Variants in SLFN12L observed in about 807,000 individuals in gnomAD.
SLFN12L encodes the protein schlafen family member 12 like, also known as schlafen family member 12-like.
A neutral mutation model predicts 34.8 loss-of-function variants in SLFN12L; 34 were observed. The observed-to-expected ratio is 0.98, with a 90% CI of 0.74 to 1.30. SLFN12L has a LOEUF of 1.30. Ranked by LOEUF, SLFN12L falls within the 50% of genes most tolerant of loss-of-function variation. The pLI is 0.00. For missense variants in SLFN12L, 703 were observed against 696.2 expected (o/e 1.01, Z -0.11); for synonymous variants, 259 against 247.5 (o/e 1.05, Z -0.44).
chr17:35,530,296 A>G (rs1454116339), intron 1 of SLFN12L, among the ~76,000 whole-genome samples: 3 of 146,818 alleles, frequency 2.0e-5, no homozygotes, highest in Non-Finnish European at 4.5e-5. Context: ...GCAGTGAGCC[A>G]AGATTGTGCC....
At chr17:35,535,422 C>A (rs547431523) in intron 1 of SLFN12L, among the ~76,000 whole-genome samples, 1 of 151,326 alleles carries the variant, frequency 6.6e-6, no homozygotes, top group East Asian at 1.9e-4. Context: ...GTCTTGAACT[C>A]CCGACCTCAG....
chr17:35,499,215 C>T, intron 2 of SLFN12L: 1 of 915,144 alleles, frequency 1.1e-6, no homozygotes, highest in Non-Finnish European at 1.6e-6. Flanking sequence ...CACCTGCCTT[C>T]CTAATTTGCT....
At chr17:35,518,549 T>TAA (rs145135287) in intron 2 of SLFN12L, among the ~76,000 whole-genome samples, 10,121 of 137,824 alleles carry the variant, frequency 0.073, 491 homozygotes, top group Non-Finnish European at 0.1. Flanking sequence ...AGACTGTATT[T>TAA]AAAAAAAAAA....
chr17:35,501,774 G>A (rs1915302116), intron 2 of SLFN12L, among the ~76,000 whole-genome samples: 1 of 152,164 alleles, frequency 6.6e-6, no homozygotes, highest in Non-Finnish European at 1.5e-5. Flanking sequence ...CCATCAGAAG[G>A]AAGCCTGGAC....
At chr17:35,536,681 G>T (rs1038081001) in intron 1 of SLFN12L, among the ~76,000 whole-genome samples, 1 of 151,604 alleles carries the variant, frequency 6.6e-6, no homozygotes, top group African/African-American at 2.4e-5. Context: ...GTGGTGCATG[G>T]TCTATAGTCC....
In SLFN12L at chr17:35,535,108, T is replaced by C. The variant is rs1297514204; in HGVS notation, c.-606+2465A>G. On this transcript the variant is annotated intron_variant, in intron 1 of 4. Transcript: ENST00000628453. ...CTGAGGTTGGGGGACATATTCAGAG[T>C]CATATGGGTGAGGCTCAAATCCAGG... Among the ~76,000 whole-genome samples the C allele has an allele frequency of 2.6e-5, 4 of 151,996 alleles. No individual in the cohort carries two copies. The South Asian group carries it at 8.3e-4, about 31-fold the overall frequency.
At position 35,471,231 on chromosome 17, in the gene SLFN12L, G is replaced by A. The variant is rs1597823242; in HGVS notation, c.*3692C>T. 6.6e-6 allele frequency among the ~76,000 whole-genome samples: 1 copy of A among 151,506 alleles called. No individual in the cohort carries two copies. The highest frequency in any genetic ancestry group is 2.4e-5 in the African/African-American group (1 of 41,226). On this transcript the variant is annotated 3_prime_UTR_variant, in exon 5 of 5. Coordinates refer to ENST00000628453, the MANE Select transcript of SLFN12L (RefSeq NM_001363830.2). Reference sequence around the variant, plus strand: ...GGCTCACTGCAACCTCTGCCTCCCGGGTTCAAGCAATTTTCATGTCTCAGC... The same window carrying A: ...GGCTCACTGCAACCTCTGCCTCCCGAGTTCAAGCAATTTTCATGTCTCAGC...
rs58847336 is a variant in SLFN12L at position 35,523,088 on chromosome 17, T to G, written c.-605-119A>C. On this transcript the variant is annotated intron_variant, in intron 1 of 4. Coordinates refer to ENST00000628453, the MANE Select transcript of SLFN12L (RefSeq NM_001363830.2). ...TTAATTACAGATATTTCAAATATTC[T>G]TCTATAAACATTATATTACAATTAT... 2,033 of 246,456 alleles carry G rather than the reference T, an allele frequency of 8.2e-3. 44 individuals carry two copies. The highest frequency in any genetic ancestry group is 0.042 in the African/African-American group (1,868 of 44,688). The allele number at this position is 246,456 out of a possible 1,614,324, so 15.3% of individuals were successfully genotyped here.
intron 2 of SLFN12L, chr17:35,490,609 A>C (rs1191599888): frequency 1.2e-6 from 1 of 840,194 alleles, no homozygotes; most frequent in African/African-American, 1.7e-5. Flanking sequence ...AAAAGAAATG[A>C]CCAAGCTCAC....
At position 35,475,092 on chromosome 17, in the gene SLFN12L, G is replaced by A. The variant is rs766547706; in HGVS notation, c.1670C>T (p.Ser557Leu). ...GTAGGATTCAGGGTAAATTACTTGCGAGTTTAAATCATACTGGCAGCTTGT... is the reference window on the plus strand; with the variant it reads ...GTAGGATTCAGGGTAAATTACTTGCAAGTTTAAATCATACTGGCAGCTTGT... ...GKTSCQYDLN[S>L]QVIYPESYYW... is the part of the protein sequence containing the mutation. Residue 557 changes from serine (S) to leucine (L), a missense_variant, in exon 5 of 5, where the codon TCG becomes TTG. By Grantham distance (145) the Ser-to-Leu change is moderately radical. Coordinates refer to ENST00000628453, the MANE Select transcript of SLFN12L (RefSeq NM_001363830.2). 19 of 1,613,928 alleles carry A rather than the reference G, an allele frequency of 1.2e-5. No homozygotes were observed. The highest frequency in any genetic ancestry group is 2.7e-5 in the African/African-American group (2 of 74,906).
chr17:35,524,313 T>C (rs547010708), intron 1 of SLFN12L, among the ~76,000 whole-genome samples: 3 of 152,316 alleles, frequency 2.0e-5, no homozygotes, highest in South Asian at 4.1e-4. Context: ...CAGACTTTAG[T>C]GTACCTGCCT....
chr17:35,498,868 G>T, intron 2 of SLFN12L: 1 of 710,728 alleles, frequency 1.4e-6, no homozygotes, highest in Admixed American at 2.2e-5. Flanking sequence ...TCCTCCCGCA[G>T]TGAGAACAAT....
At position 35,464,825 on chromosome 17, in the gene SLFN12L, A is replaced by T. The variant is rs7225069; in HGVS notation, c.*10098T>A. 6.6e-6 allele frequency among the ~76,000 whole-genome samples: 1 copy of T among 152,152 alleles called. No homozygotes were observed. The highest frequency in any genetic ancestry group is 2.4e-5 in the African/African-American group (1 of 41,428). On this transcript the variant is annotated 3_prime_UTR_variant, in exon 5 of 5. Coordinates refer to ENST00000628453, the MANE Select transcript of SLFN12L (RefSeq NM_001363830.2). ...ACCAAAGAATTTATATAACAAAAAG[A>T]TAGCTAAGGTCGTGATTGGGTTTAG... is the stretch of plus-strand genomic sequence containing the variant.
chr17:35,534,514 G>A (rs994347475), intron 1 of SLFN12L, among the ~76,000 whole-genome samples: 2 of 151,928 alleles, frequency 1.3e-5, no homozygotes, highest in African/African-American at 2.4e-5. Context: ...GCCCAAATGA[G>A]AACAGATGGT....
chr17:35,474,479 A>AT lies in SLFN12L; in HGVS notation c.*443dup, dbSNP rs999916817. 6.5e-6 allele frequency: 1 copy of AT among 153,460 alleles called. No individual in the cohort carries two copies. Among genetic ancestry groups the AT allele is most frequent in the African/African-American group, 2.4e-5 (1 of 41,446 alleles). 9.5% of individuals were successfully genotyped at this position (153,460 alleles called of 1,614,324 possible). On this transcript the variant is annotated 3_prime_UTR_variant, in exon 5 of 5. Transcript: ENST00000628453. ...AGACGTATTTTTAGAGAATTAGAGA[A>AT]TGTTACCAAATATATAATGAAAAAT...
intron 2 of SLFN12L, among the ~76,000 whole-genome samples, chr17:35,485,118 C>T (rs1168182543): frequency 6.6e-6 from 1 of 152,094 alleles, no homozygotes; most frequent in Non-Finnish European, 1.5e-5. Context: ...TTTTTTCTTT[C>T]ATCAATCTAG....
In SLFN12L at chr17:35,480,113, C is replaced by G; in HGVS notation, c.169G>C (p.Val57Leu). ...IDLDTNYAEL[V>L]LNVGRVTLGE... ...AGAGTGACTCTTCCCACATTTAGAA[C>G]CAGCTCAGCATAGTTTGTGTCTAAA... The change falls in exon 3 of 5, where the codon GTT becomes CTT. Residue 57 changes from valine to leucine, a missense_variant. Coordinates refer to ENST00000628453, the MANE Select transcript of SLFN12L (RefSeq NM_001363830.2). The G allele has an allele frequency of 6.2e-7, 1 of 1,614,072 alleles. No individual in the cohort carries two copies. The highest frequency in any genetic ancestry group is 8.5e-7 in the Non-Finnish European group (1 of 1,179,996).
At chr17:35,527,328 GA>G (rs2072346299) in intron 1 of SLFN12L, among the ~76,000 whole-genome samples, 1 of 151,994 alleles carries the variant, frequency 6.6e-6, no homozygotes, top group Admixed American at 6.6e-5. Context: ...CTAAACAATA[GA>G]AAAAGAGGGA....
intron 1 of SLFN12L, among the ~76,000 whole-genome samples, chr17:35,532,375 G>A (rs748600158): frequency 1.7e-4 from 26 of 151,454 alleles, no homozygotes; most frequent in Non-Finnish European, 3.1e-4. Flanking sequence ...GGGAGTTGGA[G>A]GTTGCAGTGA....
Sources: allele counts gnomAD v4.1 joint callset (sites outside exome capture counted in the v4.1 genomes callset), GRCh38; gene constraint gnomAD v4.1.1; transcripts MANE v1.5; gene names NCBI Gene and HGNC (gene_info 2026-07-23, HGNC 2026-07-21).